The following ROBO2 variants were observed in gnomAD, a reference collection of about 807,000 sequenced individuals.
ROBO2 encodes the protein roundabout guidance receptor 2, also known as roundabout homolog 2.
ROBO2 carries 53 observed loss-of-function variants against 160.8 expected under a neutral mutation model. The ratio of observed to expected loss-of-function variants is 0.33; its 90% CI spans 0.26 to 0.41. ROBO2 has a LOEUF of 0.41. ROBO2 is among the 10% of genes least tolerant of loss of function. The probability of loss-of-function intolerance (pLI) is 1.00; values close to 1 mark genes in which losing one functional copy is unlikely to be tolerated. For missense variants in ROBO2, 1,577 were observed against 1,722.4 expected (o/e 0.92, Z 1.49); for synonymous variants, 664 against 611.7 (o/e 1.09, Z -1.26).
At chr3:76,603,158 C>T (rs1261412035) in intron 2 of ROBO2, among the ~76,000 whole-genome samples, 7 of 150,520 alleles carry the variant, frequency 4.7e-5, no homozygotes, top group South Asian at 4.2e-4. Flanking sequence ...GGTGAAACCC[C>T]GTCTCTACTA....
chr3:76,745,893 T>A (rs1215942074), intron 2 of ROBO2, among the ~76,000 whole-genome samples: 1 of 151,120 alleles, frequency 6.6e-6, no homozygotes, highest in Non-Finnish European at 1.5e-5. Context: ...GCAGGTTAGT[T>A]ACATATGTAT....
intron 2 of ROBO2, among the ~76,000 whole-genome samples, chr3:76,333,812 T>C (rs187111405): frequency 3.9e-5 from 6 of 152,266 alleles, no homozygotes; most frequent in Non-Finnish European, 7.4e-5. Flanking sequence ...GCAATAAACA[T>C]ACTAAAAATG....
chr3:77,634,348 T>A (rs144946266), intron 23 of ROBO2: 14 of 165,920 alleles, frequency 8.4e-5, no homozygotes, highest in African/African-American at 3.4e-4. Context: ...AGTGGTAAGG[T>A]CAATTTAATA....
At chr3:76,361,353 T>C (rs535611128) in intron 2 of ROBO2, among the ~76,000 whole-genome samples, 1 of 152,232 alleles carries the variant, frequency 6.6e-6, no homozygotes, top group African/African-American at 2.4e-5. Flanking sequence ...CAGTGGGATA[T>C]TGCTGAGAAA....
At chr3:77,362,918 G>C (rs144417986) in intron 2 of ROBO2, among the ~76,000 whole-genome samples, 1 of 152,170 alleles carries the variant, frequency 6.6e-6, no homozygotes, top group East Asian at 1.9e-4. Context: ...AACAGCACAG[G>C]AAAAAGATGC....
intron 2 of ROBO2, among the ~76,000 whole-genome samples, chr3:76,537,030 G>A (rs2082544337): frequency 6.6e-6 from 1 of 151,988 alleles, no homozygotes; most frequent in Admixed American, 6.6e-5. Flanking sequence ...TATAAGGTTG[G>A]GGAGTGGAGG....
At chr3:76,193,156 A>G (rs1016463782) in intron 2 of ROBO2, among the ~76,000 whole-genome samples, 2 of 152,086 alleles carry the variant, frequency 1.3e-5, no homozygotes, top group Admixed American at 6.6e-5. Flanking sequence ...ATCAGTTAAA[A>G]TACTGGTTAT....
intron 2 of ROBO2, among the ~76,000 whole-genome samples, chr3:76,360,812 C>T (rs1251109680): frequency 6.6e-6 from 1 of 152,014 alleles, no homozygotes; most frequent in African/African-American, 2.4e-5. Context: ...GGCCTCTCCC[C>T]TTTCTCCTGT....
chr3:76,607,418 G>A (rs2087749197), intron 2 of ROBO2, among the ~76,000 whole-genome samples: 1 of 152,168 alleles, frequency 6.6e-6, no homozygotes, highest in Non-Finnish European at 1.5e-5. Flanking sequence ...TTTGATTAGT[G>A]TGCTGTGGCA....
intron 2 of ROBO2, among the ~76,000 whole-genome samples, chr3:77,109,450 G>A (rs146501379): frequency 2.6e-5 from 4 of 152,294 alleles, no homozygotes; most frequent in African/African-American, 9.6e-5. Flanking sequence ...CCAAGGCATG[G>A]CTCTTGCCAT....
chr3:77,363,504 A>G (rs550031695), intron 2 of ROBO2, among the ~76,000 whole-genome samples: 2 of 152,198 alleles, frequency 1.3e-5, no homozygotes, highest in Admixed American at 1.3e-4. Flanking sequence ...TCAAAGATTT[A>G]TGTGACCCAA....
At chr3:77,096,081 A>C (rs1324754731) in intron 1 of ROBO2, among the ~76,000 whole-genome samples, 1 of 152,224 alleles carries the variant, frequency 6.6e-6, no homozygotes, top group African/African-American at 2.4e-5. Context: ...AGACTAAATT[A>C]AATTCCCTTT....
intron 12 of ROBO2, among the ~76,000 whole-genome samples, chr3:77,566,339 C>T (rs1480653828): frequency 6.6e-6 from 1 of 151,972 alleles, no homozygotes; most frequent in Non-Finnish European, 1.5e-5. Flanking sequence ...GAACCTGTCT[C>T]TTGAGAAAGA....
At chr3:76,683,622 AG>A (rs1238761423) in intron 2 of ROBO2, among the ~76,000 whole-genome samples, 2 of 152,168 alleles carry the variant, frequency 1.3e-5, no homozygotes, top group Non-Finnish European at 2.9e-5. Context: ...TCATGTAACT[AG>A]GATTTCTGAG....
intron 2 of ROBO2, among the ~76,000 whole-genome samples, chr3:76,256,330 T>A (rs1362390692): frequency 1.6e-4 from 15 of 95,186 alleles, no homozygotes; most frequent in Non-Finnish European, 3.6e-4. Context: ...TCTCTCTCTC[T>A]CTCTCTCTCT....
At chr3:76,573,877 T>C (rs1277738021) in intron 2 of ROBO2, among the ~76,000 whole-genome samples, 1 of 152,104 alleles carries the variant, frequency 6.6e-6, no homozygotes, top group African/African-American at 2.4e-5. Context: ...TTTCGTCCTA[T>C]TATCCCAACC....
At position 77,450,666 on chromosome 3, in the gene ROBO2, C is replaced by G. The variant is rs56868985; in HGVS notation, c.389-26748C>G. ...CTTATACGTGAGATTTCTACTTTGT[C>G]AATATCAAAATGGCAGAATAAGTAC... On this transcript the variant is annotated intron_variant, in intron 2 of 25. Coordinates refer to ENST00000461745, the Ensembl canonical transcript of ROBO2. 6.3e-3 allele frequency among the ~76,000 whole-genome samples: 965 copies of G among 152,112 alleles called. 12 individuals are homozygous for G. The highest frequency in any genetic ancestry group is 0.022 in the African/African-American group (918 of 41,512).
chr3:77,348,705 G>C (rs1426346940), intron 2 of ROBO2, among the ~76,000 whole-genome samples: 2 of 152,108 alleles, frequency 1.3e-5, no homozygotes, highest in Admixed American at 1.3e-4. Context: ...AGTCAAGCAA[G>C]CACTATCTGT....
intron 6 of ROBO2, among the ~76,000 whole-genome samples, chr3:77,532,329 C>T (rs901242885): frequency 6.0e-5 from 9 of 150,574 alleles, no homozygotes; most frequent in African/African-American, 2.2e-4. Context: ...CTGGGATTTT[C>T]TTTTACCATA....
Sources: allele counts gnomAD v4.1 joint callset (sites outside exome capture counted in the v4.1 genomes callset), GRCh38; gene constraint gnomAD v4.1.1; transcripts MANE v1.5; gene names NCBI Gene and HGNC (gene_info 2026-07-23, HGNC 2026-07-21).